AGBL4: variants seen among roughly 807,000 people sequenced by gnomAD.
The protein encoded by AGBL4 is cytosolic carboxypeptidase 6.
Under a neutral mutation model 66.4 loss-of-function variants are expected in AGBL4, and 58 were observed. The ratio of observed to expected loss-of-function variants is 0.87; its 90% confidence interval spans 0.71 to 1.09. The LOEUF is 1.09. AGBL4 is among the 50% of genes least tolerant of loss of function. The probability of loss-of-function intolerance (pLI) is 0.00; values close to 1 mark genes in which losing one functional copy is unlikely to be tolerated. For synonymous variants in AGBL4, 234 were observed against 222.9 expected, an observed-to-expected ratio of 1.05 and a Z score of -0.44; for missense variants, 579 against 631.0, an observed-to-expected ratio of 0.92 and a Z score of 0.88.
intron 2 of AGBL4, chr1:49,846,089 T>G (rs576945577): frequency 1.3e-6 from 2 of 1,547,450 alleles, no homozygotes; most frequent in African/African-American, 2.7e-5. Context: ...ACCCTATGAA[T>G]GTAACCAGTG....
chr1:48,757,795 T>C (rs1644022249), intron 6 of AGBL4, among the ~76,000 whole-genome samples: 1 of 152,208 alleles, frequency 6.6e-6, no homozygotes, highest in African/African-American at 2.4e-5. Context: ...GGCAAAATTG[T>C]ATTTTATTTA....
intron 3 of AGBL4, among the ~76,000 whole-genome samples, chr1:49,262,112 G>A (rs1653238270): frequency 6.6e-6 from 1 of 152,108 alleles, no homozygotes; most frequent in Non-Finnish European, 1.5e-5. Flanking sequence ...GCCATATGTA[G>A]AAAGCTGAAA....
At chr1:48,810,195 C>G (rs554206621) in intron 6 of AGBL4, among the ~76,000 whole-genome samples, 2 of 152,206 alleles carry the variant, frequency 1.3e-5, no homozygotes, top group Non-Finnish European at 2.9e-5. Flanking sequence ...CACACAGCCC[C>G]TGTGCTTGAG....
chr1:48,539,985 G>T (rs967311239), intron 11 of AGBL4, among the ~76,000 whole-genome samples: 1 of 152,110 alleles, frequency 6.6e-6, no homozygotes, highest in Non-Finnish European at 1.5e-5. Context: ...TCACAAAACT[G>T]GGAAAAGGAG....
chr1:48,534,939 G>T (rs191515007), intron 12 of AGBL4, 23 bp from the exon 13 acceptor site: 3 of 1,549,878 alleles, frequency 1.9e-6, no homozygotes, highest in Non-Finnish European at 2.6e-6. Flanking sequence ...AAAAATTCAT[G>T]TCCTTCCTGC....
intron 2 of AGBL4, among the ~76,000 whole-genome samples, chr1:49,773,806 T>C (rs1179040463): frequency 6.6e-6 from 1 of 152,160 alleles, no homozygotes; most frequent in African/African-American, 2.4e-5. Context: ...AAGCCAAGAA[T>C]GGGTGCACAC....
intron 3 of AGBL4, among the ~76,000 whole-genome samples, chr1:49,507,998 T>C (rs576162562): frequency 2.6e-5 from 4 of 152,056 alleles, no homozygotes; most frequent in South Asian, 4.1e-4. Context: ...CAACAAATAT[T>C]TTCTGAGTAC....
intron 11 of AGBL4, among the ~76,000 whole-genome samples, chr1:48,554,644 G>A (rs1360219339): frequency 6.6e-6 from 1 of 151,222 alleles, no homozygotes; most frequent in Non-Finnish European, 1.5e-5. Context: ...CTTTTTAACT[G>A]TTGTTTTGAA....
chr1:49,591,079 C>G (rs1195664280), intron 3 of AGBL4, among the ~76,000 whole-genome samples: 1 of 151,838 alleles, frequency 6.6e-6, no homozygotes, highest in Non-Finnish European at 1.5e-5. Context: ...AAATCAATAA[C>G]TTTCATACCT....
chr1:49,733,650 G>A (rs767550552), intron 2 of AGBL4, among the ~76,000 whole-genome samples: 8 of 152,132 alleles, frequency 5.3e-5, no homozygotes, highest in Non-Finnish European at 8.8e-5. Context: ...AACAGTGATG[G>A]GAGGTGGGGC....
chr1:49,775,523 T>C (rs1644173218), intron 2 of AGBL4, among the ~76,000 whole-genome samples: 1 of 152,108 alleles, frequency 6.6e-6, no homozygotes, highest in Admixed American at 6.6e-5. Context: ...TCTATTTATT[T>C]TGACATTTTT....
chr1:48,845,799 G>A (rs907024280), intron 6 of AGBL4, among the ~76,000 whole-genome samples: 2 of 152,178 alleles, frequency 1.3e-5, no homozygotes, highest in Non-Finnish European at 2.9e-5. Context: ...CTTTGGGCAA[G>A]TTATTTGCTC....
chr1:49,885,958 T>A (rs1571803463), intron 1 of AGBL4, among the ~76,000 whole-genome samples: 1 of 152,136 alleles, frequency 6.6e-6, no homozygotes, highest in East Asian at 1.9e-4. Flanking sequence ...TGAGACCAAA[T>A]TCAGCAAGTG....
At chr1:48,780,698 A>C (rs1438418422) in intron 6 of AGBL4, among the ~76,000 whole-genome samples, 1 of 152,224 alleles carries the variant, frequency 6.6e-6, no homozygotes, top group African/African-American at 2.4e-5. Context: ...TGTTTAATAA[A>C]TAGTGTTAGG....
chr1:49,787,662 C>T (rs985859836), intron 2 of AGBL4, among the ~76,000 whole-genome samples: 10 of 152,068 alleles, frequency 6.6e-5, no homozygotes, highest in African/African-American at 2.2e-4. Context: ...TGCTCAATTA[C>T]AGTTTGTTAC....
At chr1:48,926,974 A>G (rs1402650150) in intron 5 of AGBL4, among the ~76,000 whole-genome samples, 2 of 151,876 alleles carry the variant, frequency 1.3e-5, no homozygotes, top group Admixed American at 1.3e-4. Context: ...GGCTGAGAGA[A>G]CTCTGGAGGT....
intron 4 of AGBL4, among the ~76,000 whole-genome samples, chr1:49,150,317 G>A (rs192830836): frequency 3.5e-4 from 54 of 152,172 alleles, no homozygotes; most frequent in South Asian, 6.2e-4. Flanking sequence ...ATCATAATCA[G>A]CCATTAAAAA....
At chr1:50,011,933 G>A (rs1661565746) in intron 1 of AGBL4, among the ~76,000 whole-genome samples, 1 of 152,182 alleles carries the variant, frequency 6.6e-6, no homozygotes, top group Admixed American at 6.5e-5. Flanking sequence ...GCCGAGGCGG[G>A]TGGATCATGA....
At chr1:48,690,402 T>G (rs1231884784) in intron 6 of AGBL4, among the ~76,000 whole-genome samples, 1 of 152,050 alleles carries the variant, frequency 6.6e-6, no homozygotes, top group Non-Finnish European at 1.5e-5. Flanking sequence ...TTTCCCAAGG[T>G]TTTACATTAA....
Sources: gnomAD v4.1 joint callset for allele counts (sites outside exome capture counted in the v4.1 genomes callset) on GRCh38, gnomAD v4.1.1 for gene constraint, MANE v1.5 for transcripts, NCBI Gene and HGNC (gene_info 2026-07-23, HGNC 2026-07-21) for gene names.